Variants in SKIC3 observed in about 807,000 individuals in gnomAD.
SKIC3 encodes the protein superkiller complex protein 3.
At chr5:95,528,039 C>T in the SKIC3 span, 1 of 1,613,710 alleles carries the variant, frequency 6.2e-7, no homozygotes, top group Non-Finnish European at 8.5e-7. Flanking sequence ...ATTGCTTCCT[C>T]TGAAGAGTCA....
chr5:95,537,263 C>G, the SKIC3 span: 1 of 896,202 alleles, frequency 1.1e-6, no homozygotes, highest in South Asian at 1.6e-5. Context: ...CAGTCTAACC[C>G]TGACAACTTC....
chr5:95,507,392 T>C, the SKIC3 span, among the ~76,000 whole-genome samples: 2 of 152,174 alleles, frequency 1.3e-5, no homozygotes, highest in African/African-American at 4.8e-5. Flanking sequence ...GCCAGGAAAT[T>C]GAATGCTTTC....
chr5:95,509,552 C>A, the SKIC3 span: 1 of 1,433,834 alleles, frequency 7.0e-7, no homozygotes, highest in Admixed American at 1.7e-5. Flanking sequence ...AACCCTTCCC[C>A]TCATCTTCCT....
At chr5:95,466,662 C>T in the SKIC3 span, among the ~76,000 whole-genome samples, 1 of 152,220 alleles carries the variant, frequency 6.6e-6, no homozygotes, top group Admixed American at 6.5e-5. Flanking sequence ...AGTGACAATT[C>T]ATGCATGGAC....
the SKIC3 span, chr5:95,502,917 C>T: frequency 6.2e-7 from 1 of 1,613,818 alleles, no homozygotes; most frequent in African/African-American, 1.3e-5. Flanking sequence ...TCCGTTTTTC[C>T]TTGTTTATAT....
the SKIC3 span, among the ~76,000 whole-genome samples, chr5:95,542,332 C>T: frequency 4.6e-5 from 7 of 151,898 alleles, no homozygotes; most frequent in Non-Finnish European, 8.8e-5. Context: ...AGGTGTACAA[C>T]TTGATGTTTT....
chr5:95,513,662 AC>A, the SKIC3 span: 1 of 1,608,360 alleles, frequency 6.2e-7, no homozygotes. Context: ...AAGGAAAAAA[AC>A]AGACTCTTAA....
chr5:95,515,696 C>CT, the SKIC3 span, among the ~76,000 whole-genome samples: 1 of 151,940 alleles, frequency 6.6e-6, no homozygotes, highest in Non-Finnish European at 1.5e-5. Context: ...TAAATCCAGT[C>CT]TTTTTTGCAG....
At chr5:95,532,355 A>G in the SKIC3 span, among the ~76,000 whole-genome samples, 1 of 152,156 alleles carries the variant, frequency 6.6e-6, no homozygotes, top group South Asian at 2.1e-4. Context: ...AACAATAAAA[A>G]CAAAATAAGA....
chr5:95,542,082 G>A, the SKIC3 span, among the ~76,000 whole-genome samples: 270 of 152,248 alleles, frequency 1.8e-3, 2 homozygotes, highest in African/African-American at 5.8e-3. Flanking sequence ...ATAGCTGGGG[G>A]TCGGAGGGCA....
chr5:95,524,283 A>C, the SKIC3 span, among the ~76,000 whole-genome samples: 162 of 152,330 alleles, frequency 1.1e-3, no homozygotes, highest in Non-Finnish European at 2.0e-3. Context: ...AGTAACTTTC[A>C]CATTTTATGT....
chr5:95,491,448 T>C, the SKIC3 span, among the ~76,000 whole-genome samples: 3 of 152,214 alleles, frequency 2.0e-5, no homozygotes, highest in Non-Finnish European at 4.4e-5. Flanking sequence ...ATTTTTCAGT[T>C]CTTAAGAAAA....
chr5:95,527,416 C>T, the SKIC3 span, among the ~76,000 whole-genome samples: 1 of 152,164 alleles, frequency 6.6e-6, no homozygotes, highest in African/African-American at 2.4e-5. Flanking sequence ...ATACAAAGCC[C>T]TTTGAAATAC....
At chr5:95,492,479 A>T in the SKIC3 span, among the ~76,000 whole-genome samples, 1 of 149,744 alleles carries the variant, frequency 6.7e-6, no homozygotes, top group Non-Finnish European at 1.5e-5. Context: ...TACTAAAAAT[A>T]CAAAAAAATT....
the SKIC3 span, among the ~76,000 whole-genome samples, chr5:95,475,332 C>T: frequency 8.6e-5 from 13 of 151,912 alleles, no homozygotes; most frequent in South Asian, 4.1e-4. Context: ...ATCATGCAGG[C>T]GGAGTTCTCA....
At chr5:95,492,677 A>C in the SKIC3 span, among the ~76,000 whole-genome samples, 21 of 140,344 alleles carry the variant, frequency 1.5e-4, no homozygotes, top group Admixed American at 7.9e-4. Flanking sequence ...AAAAAAAAAA[A>C]AAAAAAAAAA....
At chr5:95,544,542 T>C in the SKIC3 span, among the ~76,000 whole-genome samples, 1 of 152,194 alleles carries the variant, frequency 6.6e-6, no homozygotes, top group Non-Finnish European at 1.5e-5. Flanking sequence ...TTTCCCAAAA[T>C]AAAATTATTT....
the SKIC3 span, chr5:95,525,630 CT>C: frequency 6.2e-7 from 1 of 1,614,050 alleles, no homozygotes; most frequent in Non-Finnish European, 8.5e-7. Context: ...ATAGGCCAAG[CT>C]TTTGAGAACC....
At chr5:95,499,789 C>A in the SKIC3 span, among the ~76,000 whole-genome samples, 4 of 152,092 alleles carry the variant, frequency 2.6e-5, no homozygotes, top group Non-Finnish European at 5.9e-5. Context: ...ATACTCCAAA[C>A]GAGTATTTTT....
Sources: gnomAD v4.1 joint callset for allele counts (sites outside exome capture counted in the v4.1 genomes callset) on GRCh38, gnomAD v4.1.1 for gene constraint, MANE v1.5 for transcripts, NCBI Gene and HGNC (gene_info 2026-07-23, HGNC 2026-07-21) for gene names.